Variants in C16orf95 observed in about 807,000 individuals in gnomAD.
The protein encoded by C16orf95 is uncharacterized protein C16orf95.
C16orf95 carries 41 observed loss-of-function variants against 32.1 expected under a neutral mutation model. That is an observed-to-expected ratio of 1.28 (90% CI 1.00 to 1.66). The LOEUF (loss-of-function observed/expected upper bound fraction) is 1.66, where lower values mean the gene tolerates loss of function less well. C16orf95 is among the 40% of genes most tolerant of loss of function. The probability of loss-of-function intolerance (pLI) is 0.00; values close to 1 mark genes in which losing one functional copy is unlikely to be tolerated. For missense variants in C16orf95, 399 were observed against 325.9 expected, an observed-to-expected ratio of 1.22 and a Z score of -1.73; for synonymous variants, 147 against 128.9, an observed-to-expected ratio of 1.14 and a Z score of -0.95.
intron 3 of C16orf95, among the ~76,000 whole-genome samples, chr16:87,314,033 T>C (rs937106734): frequency 2.4e-4 from 36 of 152,148 alleles, no homozygotes; most frequent in Non-Finnish European, 1.5e-4. Flanking sequence ...AACCAAGTGT[T>C]GGTGACGATG....
chr16:87,313,791 CTTGTATCTAGAAT>C (rs1911388417), intron 3 of C16orf95, among the ~76,000 whole-genome samples: 1 of 152,028 alleles, frequency 6.6e-6, no homozygotes, highest in African/African-American at 2.4e-5. Flanking sequence ...GGATCAAGAA[CTTGTATCTAGAAT>C]TTGTATCTAG....
chr16:87,310,091 G>A (rs1911212637), intron 5 of C16orf95, among the ~76,000 whole-genome samples: 1 of 152,222 alleles, frequency 6.6e-6, no homozygotes, highest in African/African-American at 2.4e-5. Context: ...TGCCTGTAGA[G>A]CAGAGGTTTC....
chr16:87,307,409 T>C (rs1481428109), intron 5 of C16orf95, among the ~76,000 whole-genome samples: 1 of 152,106 alleles, frequency 6.6e-6, no homozygotes, highest in Admixed American at 6.6e-5. Flanking sequence ...TACATAAATA[T>C]ACTTAACTAT....
At chr16:87,306,612 G>C (rs182532908) in intron 5 of C16orf95, among the ~76,000 whole-genome samples, 2 of 152,284 alleles carry the variant, frequency 1.3e-5, no homozygotes, top group East Asian at 1.9e-4. Context: ...TGTAAGATCA[G>C]AAATGTGGAC....
chr16:87,315,208 G>T, intron 2 of C16orf95, 112 bp from the exon 3 acceptor site: 2 of 1,141,056 alleles, frequency 1.8e-6, no homozygotes, highest in Non-Finnish European at 2.4e-6. Flanking sequence ...CCGGGGGCAG[G>T]GTCCCCAGCT....
chr16:87,309,372 CTTTTTT>C (rs10551847), intron 5 of C16orf95, among the ~76,000 whole-genome samples: 7 of 86,070 alleles, frequency 8.1e-5, no homozygotes, highest in African/African-American at 4.2e-4. Flanking sequence ...TCTTTCTTTT[CTTTTTT>C]TTTTTTTTTT....
intron 3 of C16orf95, among the ~76,000 whole-genome samples, chr16:87,313,105 T>C (rs986786635): frequency 2.0e-5 from 3 of 151,792 alleles, no homozygotes; most frequent in Non-Finnish European, 4.4e-5. Context: ...TTCAAACTGA[T>C]CTACAAAGCC....
chr16:87,314,600 AG>A (rs1567605981), intron 3 of C16orf95, among the ~76,000 whole-genome samples: 1 of 152,172 alleles, frequency 6.6e-6, no homozygotes, highest in African/African-American at 2.4e-5. Flanking sequence ...TGGTGGGTTC[AG>A]GGGGGAATAC....
At chr16:87,315,845 G>A in intron 1 of C16orf95, 22 bp from the exon 2 acceptor site, 2 of 1,521,862 alleles carry the variant, frequency 1.3e-6, no homozygotes, top group Non-Finnish European at 1.8e-6. Context: ...GAACAGAAAA[G>A]CTTAGGGTTT....
In C16orf95 at chr16:87,302,884, T is replaced by C. The variant is rs1324258952; in HGVS notation, c.*173A>G. ...AACTCACCCACATTCACATGAACTTTGCTACAACCAAGAATCACCTGATGA... is the reference window on the plus strand; with the variant it reads ...AACTCACCCACATTCACATGAACTTCGCTACAACCAAGAATCACCTGATGA... On this transcript the variant is annotated 3_prime_UTR_variant, in exon 7 of 7. Coordinates refer to ENST00000567970, the MANE Select transcript of C16orf95 (RefSeq NM_001195124.3). The C allele has an allele frequency of 2.9e-6, 2 of 678,510 alleles. No homozygotes were observed. Among genetic ancestry groups the C allele is most frequent in the Admixed American group, 4.7e-5 (2 of 42,472 alleles). The allele number at this position is 678,510 out of a possible 1,614,324, so 42.0% of individuals were successfully genotyped here.
At chr16:87,311,751 T>G (rs1911293439) in intron 3 of C16orf95, among the ~76,000 whole-genome samples, 1 of 152,238 alleles carries the variant, frequency 6.6e-6, no homozygotes. Context: ...ATGCGGCAAT[T>G]CCACTTGCAG....
At position 87,307,751 on chromosome 16, in the gene C16orf95, C is replaced by G. The variant is rs572678059; in HGVS notation, c.515-1846G>C. On this transcript the variant is annotated intron_variant, in intron 5 of 6. Coordinates refer to ENST00000567970, the MANE Select transcript of C16orf95 (RefSeq NM_001195124.3). ...CCAGCCTGGGTGACAGAGTGAGACT[C>G]CATCCTAAAACAAACTAAAAATAAA... 2.6e-5 allele frequency among the ~76,000 whole-genome samples: 4 copies of G among 152,158 alleles called. No individual in the cohort carries two copies. The East Asian group carries it at 7.7e-4, about 29-fold the overall frequency.
At chr16:87,304,366 T>C (rs1024138450) in intron 6 of C16orf95, among the ~76,000 whole-genome samples, 51 of 151,490 alleles carry the variant, frequency 3.4e-4, no homozygotes, top group African/African-American at 1.2e-3. Flanking sequence ...GCCCATCCTC[T>C]AAGGCTGGGA....
intron 5 of C16orf95, among the ~76,000 whole-genome samples, 185 bp downstream of exon 5, chr16:87,310,112 C>A (rs1017796328): frequency 6.6e-6 from 1 of 152,146 alleles, no homozygotes; most frequent in African/African-American, 2.4e-5. Context: ...TCTGGGCTCA[C>A]TGGGGGAAGG....
intron 5 of C16orf95, among the ~76,000 whole-genome samples, chr16:87,308,673 G>A (rs1911137283): frequency 6.6e-6 from 1 of 152,134 alleles, no homozygotes. Context: ...TGCTTTGGTT[G>A]TGCTTTGTCT....
chr16:87,303,178 C>A, intron 6 of C16orf95, 103 bp from the exon 7 acceptor site: 2 of 1,152,476 alleles, frequency 1.7e-6, no homozygotes, highest in East Asian at 2.6e-5. Flanking sequence ...AAGGCAGAGG[C>A]GCTCCACAGT....
chr16:87,312,491 C>A (rs1338428966), intron 3 of C16orf95, among the ~76,000 whole-genome samples: 1 of 148,538 alleles, frequency 6.7e-6, no homozygotes. Flanking sequence ...ATCGCTTGAA[C>A]CTGGGAGACG....
intron 3 of C16orf95, 109 bp downstream of exon 3, chr16:87,314,862 G>A (rs1321863918): frequency 4.1e-6 from 4 of 971,070 alleles, no homozygotes; most frequent in Non-Finnish European, 5.9e-6. Context: ...CTGTCTCCCT[G>A]AAATGTTAAA....
Position 87,305,823 on chromosome 16 carries a change from G to C in C16orf95, c.597C>G (p.Leu199=), listed in dbSNP as rs372938943. ...GTAGCTGGTCCTGGTAGGGGGCCTG[G>C]AGCTGCTGGAACTTGGACAACAGGC... ...DECLLSKFQQ[L]QAPYQDQLPA... The change falls in exon 6 of 7, where the codon CTC becomes CTG. Residue 199 remains leucine (L), a synonymous_variant. Coordinates refer to ENST00000567970, the MANE Select transcript of C16orf95 (RefSeq NM_001195124.3). The surrounding 1 kb of genome is among the most constrained non-coding windows in gnomAD (Gnocchi z 4.2). 6.2e-5 allele frequency: 93 copies of C among 1,496,628 alleles called. No homozygotes were observed. The East Asian group carries it at 6.2e-4, about 10-fold the overall frequency. The allele number at this position is 1,496,628 out of a possible 1,614,324, so 92.7% of individuals were successfully genotyped here.
Sources: gnomAD v4.1 joint callset for allele counts (sites outside exome capture counted in the v4.1 genomes callset) on GRCh38, gnomAD v4.1.1 for gene constraint, Gnocchi (gnomAD v3.1) non-coding constraint, MANE v1.5 for transcripts, NCBI Gene and HGNC (gene_info 2026-07-23, HGNC 2026-07-21) for gene names.